OPA1: variants seen among roughly 807,000 people sequenced by gnomAD.
OPA1 encodes OPA1 mitochondrial dynamin like GTPase.
In OPA1, 59 loss-of-function variants were observed where a neutral mutation model predicts 152.9. The ratio of observed to expected loss-of-function variants is 0.39; its 90% CI spans 0.31 to 0.48. The LOEUF is 0.48. Among genes scored for constraint, OPA1 ranks in the 20% least tolerant of loss-of-function variants. The probability of loss-of-function intolerance (pLI) is 0.96; values close to 1 mark genes in which losing one functional copy is unlikely to be tolerated. For missense variants in OPA1, 1,008 were observed against 1,216.8 expected (o/e 0.83, Z 2.55); for synonymous variants, 400 against 389.9 (o/e 1.03, Z -0.31).
At position 193,634,699 on chromosome 3, in the gene OPA1, C is replaced by T. The variant is rs191143814; in HGVS notation, c.844-719C>T. Among the ~76,000 whole-genome samples, 12 of 152,268 alleles carry T rather than the reference C, an allele frequency of 7.9e-5. No individual in the cohort carries two copies. The East Asian group carries it at 9.7e-4, about 12-fold the overall frequency. On this transcript the variant is annotated intron_variant, in intron 8 of 30. Coordinates refer to ENST00000361510, the MANE Select transcript of OPA1 (RefSeq NM_130837.3). ...CTGGGATTACAGGTGTGAGCCTCTG[C>T]GCCCAGCCTATATCATTTTTTGAAA...
At chr3:193,646,238 A>G (rs1356404318) in intron 18 of OPA1, among the ~76,000 whole-genome samples, 1 of 152,220 alleles carries the variant, frequency 6.6e-6, no homozygotes. Context: ...CAGTTGTATT[A>G]CTGTATACTA....
chr3:193,662,863 G>A lies in OPA1; in HGVS notation c.2562G>A (p.Leu854=). The change falls in exon 26 of 31, where the codon TTG becomes TTA. Residue 854 remains leucine (L), a synonymous_variant. Coordinates refer to ENST00000361510, the MANE Select transcript of OPA1 (RefSeq NM_130837.3). ...NETKNELEKM[L]KCNEEHPAYL... ...CCAAGAATGAATTGGAGAAGATGTT[G>A]AAATGTAATGAGGAGCACCCAGCTT... is the stretch of plus-strand genomic sequence containing the variant. The A allele has an allele frequency of 6.2e-7, 1 of 1,613,396 alleles. No homozygotes were observed. The highest frequency in any genetic ancestry group is 8.5e-7 in the Non-Finnish European group (1 of 1,179,424).
chr3:193,695,024 T>C lies in OPA1; in HGVS notation c.*424T>C, dbSNP rs1225838931. On this transcript the variant is annotated 3_prime_UTR_variant, in exon 31 of 31. Transcript: ENST00000361510. ...CTTATATAGCAATTGTTTAAAGTTATCAATTGTATATAAAATCACAGTAGC... is the reference window on the plus strand; with the variant it reads ...CTTATATAGCAATTGTTTAAAGTTACCAATTGTATATAAAATCACAGTAGC... 1 of 152,248 alleles carries C rather than the reference T, an allele frequency of 6.6e-6. No individual in the cohort carries two copies. 9.4% of individuals were successfully genotyped at this position (152,248 alleles called of 1,614,324 possible).
chr3:193,640,772 T>C (rs1733667198), intron 11 of OPA1, among the ~76,000 whole-genome samples: 1 of 151,870 alleles, frequency 6.6e-6, no homozygotes, highest in Non-Finnish European at 1.5e-5. Flanking sequence ...TGGTGGGGGG[T>C]AGGTGTAGAA....
At chr3:193,628,219 G>A (rs962402290) in intron 7 of OPA1, among the ~76,000 whole-genome samples, 1 of 151,782 alleles carries the variant, frequency 6.6e-6, no homozygotes, top group African/African-American at 2.4e-5. Context: ...TTATCTTCTT[G>A]AAAGTCTAAG....
At chr3:193,664,824 G>A in intron 26 of OPA1, 56 bp from the exon 27 acceptor site, 1 of 945,022 alleles carries the variant, frequency 1.1e-6, no homozygotes, top group South Asian at 1.4e-5. Context: ...TCTCAGTGTG[G>A]TTGATCAACA....
At position 193,667,270 on chromosome 3, in the gene OPA1, G is replaced by A. The variant is rs117475774; in HGVS notation, c.2973G>A (p.Ala991=). Residue 991 remains alanine, a synonymous_variant, in exon 29 of 31, where the codon GCG becomes GCA. Coordinates refer to ENST00000361510, the MANE Select transcript of OPA1 (RefSeq NM_130837.3). ...TTACTGGTAAACGCGTTCAACTGGC[G>A]GAAGACCTCAGTGAGTAGTTCTTAC... The part of the protein sequence containing the change: ...KLLTGKRVQL[A]EDLKKVREIQ... 5,914 of 1,541,686 alleles carry A rather than the reference G, an allele frequency of 3.8e-3. 205 individuals are homozygous for A. The East Asian group carries it at 0.094, about 25-fold the overall frequency.
intron 8 of OPA1, among the ~76,000 whole-genome samples, chr3:193,634,997 T>C (rs1403977931): frequency 6.6e-6 from 1 of 152,218 alleles, no homozygotes; most frequent in Non-Finnish European, 1.5e-5. Flanking sequence ...AGCATCTTAA[T>C]TAAAATCTAA....
Position 193,687,506 on chromosome 3 carries a change from A to G in OPA1, c.2984-4557A>G, listed in dbSNP as rs575585592. 7.9e-5 allele frequency among the ~76,000 whole-genome samples: 12 copies of G among 152,364 alleles called. No individual in the cohort carries two copies. The East Asian group carries it at 2.3e-3, about 29-fold the overall frequency. On this transcript the variant is annotated intron_variant, in intron 29 of 30. Transcript: ENST00000361510. ...TATTTAATTCAAATATTTAATGGAA[A>G]TATGAGTTTGCTTTATAATTAGTCA...
intron 1 of OPA1, among the ~76,000 whole-genome samples, chr3:193,607,233 G>T (rs1317901007): frequency 1.3e-5 from 2 of 152,116 alleles, no homozygotes; most frequent in Non-Finnish European, 2.9e-5. Flanking sequence ...TCACTCTGAT[G>T]GTAGTTTCTT....
At chr3:193,610,123 A>G (rs1727967993) in intron 1 of OPA1, among the ~76,000 whole-genome samples, 1 of 151,950 alleles carries the variant, frequency 6.6e-6, no homozygotes, top group Non-Finnish European at 1.5e-5. Flanking sequence ...TGATTTTTAG[A>G]ATTTTCAGTA....
In OPA1 at chr3:193,668,381, G is replaced by C. The variant is rs1191219107; in HGVS notation, c.2983+1101G>C. On this transcript the variant is annotated intron_variant, in intron 29 of 30. Transcript: ENST00000361510. ...AGGCCACCACATGGCGCCGCACCCA[G>C]CATTGACACTTCTTTTACCTTGTCT... 6.4e-6 allele frequency: 10 copies of C among 1,551,152 alleles called. No homozygotes were observed. The East Asian group carries it at 2.0e-4, about 30-fold the overall frequency.
intron 28 of OPA1, among the ~76,000 whole-genome samples, chr3:193,666,789 C>G (rs1716657232): frequency 6.6e-6 from 1 of 151,118 alleles, no homozygotes; most frequent in South Asian, 2.1e-4. Context: ...GACCTTGTCT[C>G]TTTAAAAAAA....
rs181224511 is a variant in OPA1 at position 193,610,925 on chromosome 3, G to T, written c.33-3798G>T. Among the ~76,000 whole-genome samples, 214 of 152,326 alleles carry T rather than the reference G, an allele frequency of 1.4e-3. 2 individuals are homozygous for T. In the East Asian group the frequency reaches 0.033, roughly 23 times the overall value. ...GTGGGAGTGACCCAATTTTCCAGGT[G>T]CTGTCTGTCACCCCTTTCCTTGGCT... On this transcript the variant is annotated intron_variant, in intron 1 of 30. Transcript: ENST00000361510.
chr3:193,680,793 T>C (rs970273783), intron 29 of OPA1, among the ~76,000 whole-genome samples: 9 of 152,210 alleles, frequency 5.9e-5, no homozygotes, highest in Non-Finnish European at 1.2e-4. Context: ...AAATGTATTA[T>C]CGATATTTAG....
chr3:193,685,738 T>C (rs1228000837), intron 29 of OPA1, among the ~76,000 whole-genome samples: 2 of 152,204 alleles, frequency 1.3e-5, no homozygotes, highest in Non-Finnish European at 2.9e-5. Context: ...AGAGGATTAA[T>C]ATCCAATAAA....
intron 7 of OPA1, among the ~76,000 whole-genome samples, chr3:193,626,510 C>T (rs140809371): frequency 6.6e-6 from 1 of 152,178 alleles, no homozygotes; most frequent in Non-Finnish European, 1.5e-5. Flanking sequence ...ATTGAGTCAC[C>T]CTAAGTTTGT....
intron 1 of OPA1, among the ~76,000 whole-genome samples, chr3:193,607,244 T>C (rs1383043148): frequency 1.3e-5 from 2 of 152,232 alleles, no homozygotes; most frequent in African/African-American, 4.8e-5. Flanking sequence ...GTAGTTTCTT[T>C]TGCTGTGCAG....
intron 15 of OPA1, 137 bp downstream of exon 15, chr3:193,643,764 GTAAA>G: frequency 2.2e-6 from 2 of 924,448 alleles, no homozygotes; most frequent in Non-Finnish European, 3.3e-6. Flanking sequence ...CATTTTATTA[GTAAA>G]TTAAATTGAA....
Sources: allele counts gnomAD v4.1 joint callset (sites outside exome capture counted in the v4.1 genomes callset), GRCh38; gene constraint gnomAD v4.1.1; transcripts MANE v1.5; gene names NCBI Gene and HGNC (gene_info 2026-07-23, HGNC 2026-07-21).